SGCE: variants seen among roughly 807,000 people sequenced by gnomAD.
SGCE encodes the protein epsilon-sarcoglycan.
Under a neutral mutation model 57.8 loss-of-function variants are expected in SGCE, and 26 were observed. The ratio of observed to expected loss-of-function variants is 0.45; its 90% confidence interval spans 0.33 to 0.62. The LOEUF (loss-of-function observed/expected upper bound fraction) is 0.62, where lower values mean the gene tolerates loss of function less well. Among genes scored for constraint, SGCE ranks in the 20% least tolerant of loss-of-function variants. The pLI is 0.02. For missense variants in SGCE, 468 were observed against 548.6 expected (o/e 0.85, Z 1.47); for synonymous variants, 183 against 189.5 (o/e 0.97, Z 0.28).
At chr7:94,630,706 G>C (rs549963201) in intron 1 of SGCE, among the ~76,000 whole-genome samples, 4 of 151,710 alleles carry the variant, frequency 2.6e-5, no homozygotes, top group African/African-American at 9.7e-5. Flanking sequence ...TCACTTCTAC[G>C]ATCTCTTTTG....
chr7:94,614,106 T>TAA lies in SGCE; in HGVS notation c.662+4651_662+4652insTT, dbSNP rs1562832897. ...TAATTTTCTTGTACCCAAATTGAAA[T>TAA]CAAAAAAAAAAAAAAAAAAAAAAAC... is the stretch of plus-strand genomic sequence containing the variant. On this transcript the variant is annotated intron_variant, in intron 5 of 10. Coordinates refer to ENST00000648936, the MANE Select transcript of SGCE (RefSeq NM_003919.3). Among the ~76,000 whole-genome samples the TAA allele has an allele frequency of 1.8e-3, 97 of 55,118 alleles. 2 individuals carry two copies. Among genetic ancestry groups the TAA allele is most frequent in the Non-Finnish European group, 1.8e-3 (53 of 29,084 alleles). The allele number at this position is 55,118 out of a possible 152,430, so 36.2% of individuals were successfully genotyped here.
chr7:94,632,639 AAAT>A (rs1804888906), intron 1 of SGCE, among the ~76,000 whole-genome samples: 1 of 152,100 alleles, frequency 6.6e-6, no homozygotes, highest in Non-Finnish European at 1.5e-5. Flanking sequence ...TTGTTTGTAA[AAAT>A]AATACTTCCT....
Position 94,585,392 on chromosome 7 carries a change from A to G in SGCE, c.*107T>C, listed in dbSNP as rs796401829. 1.1e-5 allele frequency: 11 copies of G among 984,324 alleles called. No homozygotes were observed. The highest frequency in any genetic ancestry group is 1.6e-5 in the Non-Finnish European group (10 of 608,438). The allele number at this position is 984,324 out of a possible 1,614,324, so 61.0% of individuals were successfully genotyped here. On this transcript the variant is annotated 3_prime_UTR_variant, in exon 11 of 11. Coordinates refer to ENST00000648936, the MANE Select transcript of SGCE (RefSeq NM_003919.3). Reference sequence around the variant, plus strand: ...TATACACTTAATACTGCCAACATGCATAACATATGCCAGAAAAGCTCATGC... The same window carrying G: ...TATACACTTAATACTGCCAACATGCGTAACATATGCCAGAAAAGCTCATGC...
intron 1 of SGCE, among the ~76,000 whole-genome samples, chr7:94,631,667 A>G (rs1584711398): frequency 6.6e-6 from 1 of 151,884 alleles, no homozygotes; most frequent in Non-Finnish European, 1.5e-5. Context: ...CGGGGAAGGG[A>G]ATTAAGTCAG....
chr7:94,649,553 T>G (rs543862044), intron 1 of SGCE, among the ~76,000 whole-genome samples: 4 of 152,214 alleles, frequency 2.6e-5, no homozygotes, highest in Non-Finnish European at 4.4e-5. Flanking sequence ...TGAGCTTTTC[T>G]GTCTTGGAAA....
At chr7:94,587,146 A>G (rs890088584) in intron 10 of SGCE, 19 of 984,228 alleles carry the variant, frequency 1.9e-5, no homozygotes, top group South Asian at 9.4e-5. Context: ...CCCCTAGGAA[A>G]ACTCTTTGGC....
intron 3 of SGCE, chr7:94,623,648 A>C: frequency 2.0e-6 from 1 of 492,648 alleles, no homozygotes; most frequent in Middle Eastern, 5.2e-4. Flanking sequence ...CTTTCATAGA[A>C]GGCCATTAAG....
intron 10 of SGCE, chr7:94,587,441 G>A (rs1472825618): frequency 1.1e-5 from 13 of 1,177,426 alleles, no homozygotes; most frequent in East Asian, 3.8e-5. Context: ...AATCTTAGGC[G>A]AGATGGAAGC....
intron 10 of SGCE, chr7:94,588,346 T>C (rs1797191799): frequency 9.1e-7 from 1 of 1,104,196 alleles, no homozygotes; most frequent in Non-Finnish European, 1.1e-6. Context: ...GCTCACTTAC[T>C]GAGACAAATC....
At chr7:94,600,367 ATATC>A (rs1799019274) in intron 7 of SGCE, 1 of 378,952 alleles carries the variant, frequency 2.6e-6, no homozygotes, top group African/African-American at 2.1e-5. Flanking sequence ...TATAACCAAA[ATATC>A]TAGCCTCAAT....
At chr7:94,647,205 T>A (rs988741801) in intron 1 of SGCE, among the ~76,000 whole-genome samples, 1 of 152,176 alleles carries the variant, frequency 6.6e-6, no homozygotes. Flanking sequence ...CTCTTTCCCT[T>A]AAAAACTGAT....
chr7:94,587,741 G>A, intron 10 of SGCE: 2 of 1,533,562 alleles, frequency 1.3e-6, no homozygotes, highest in South Asian at 1.3e-5. Flanking sequence ...TAAACATCTT[G>A]TAATTGAAAT....
At chr7:94,630,894 T>C (rs147509520) in intron 1 of SGCE, among the ~76,000 whole-genome samples, 242 of 152,088 alleles carry the variant, frequency 1.6e-3, no homozygotes, top group African/African-American at 5.7e-3. Context: ...GCAAGATCAC[T>C]GAACTACATT....
chr7:94,655,445 G>A (rs1441502476), intron 1 of SGCE, among the ~76,000 whole-genome samples: 2 of 152,126 alleles, frequency 1.3e-5, no homozygotes, highest in Non-Finnish European at 2.9e-5. Context: ...TTCCGTCACC[G>A]AGAAATGCAC....
chr7:94,649,029 TGAGCGGCTTCATTTATCAGAAAA>T lies in SGCE; in HGVS notation c.109+6938_109+6960del, dbSNP rs1807519357. Among the ~76,000 whole-genome samples the T allele has an allele frequency of 1.3e-5, 2 of 152,240 alleles. 1 individual carries two copies. The highest frequency in any genetic ancestry group is 4.1e-4 in the South Asian group (2 of 4,834). ...GCCTAACTCCTATACATTTTTTAAA[TGAGCGGCTTCATTTATCAGAAAA>T]GAGTCTGCGTACATGTCACAACAGA... On this transcript the variant is annotated intron_variant, in intron 1 of 10. Coordinates refer to ENST00000648936, the MANE Select transcript of SGCE (RefSeq NM_003919.3).
chr7:94,612,637 T>C (rs1801223520), intron 5 of SGCE, among the ~76,000 whole-genome samples: 1 of 152,222 alleles, frequency 6.6e-6, no homozygotes, highest in Non-Finnish European at 1.5e-5. Flanking sequence ...TTAATGTGAC[T>C]ATCCTAAAAG....
At chr7:94,636,033 C>T (rs753290470) in intron 1 of SGCE, among the ~76,000 whole-genome samples, 1 of 152,116 alleles carries the variant, frequency 6.6e-6, no homozygotes, top group African/African-American at 2.4e-5. Flanking sequence ...GATATGGCCA[C>T]TTTTCTTTAC....
At chr7:94,609,024 C>T (rs1800595698) in intron 5 of SGCE, among the ~76,000 whole-genome samples, 1 of 152,050 alleles carries the variant, frequency 6.6e-6, no homozygotes, top group Admixed American at 6.6e-5. Flanking sequence ...TTTTTAGTTA[C>T]AACACCAAAG....
At chr7:94,624,352 A>C (rs1461763424) in intron 3 of SGCE, 1 of 396,696 alleles carries the variant, frequency 2.5e-6, no homozygotes, top group African/African-American at 2.1e-5. Context: ...TGTGTCAAAA[A>C]ATAAGTTGCA....
Sources: allele counts gnomAD v4.1 joint callset (sites outside exome capture counted in the v4.1 genomes callset), GRCh38; gene constraint gnomAD v4.1.1; transcripts MANE v1.5; gene names NCBI Gene and HGNC (gene_info 2026-07-23, HGNC 2026-07-21).